Variants in KDM5A observed in about 807,000 individuals in gnomAD.
KDM5A encodes lysine-specific demethylase 5A.
In KDM5A, 42 loss-of-function variants were observed where a neutral mutation model predicts 193.5. The observed-to-expected ratio is 0.22, with a 90% confidence interval of 0.17 to 0.28. The LOEUF is 0.28. KDM5A is among the 10% of genes least tolerant of loss of function. KDM5A has a pLI of 1.00. For synonymous variants in KDM5A, 796 were observed against 718.1 expected, an observed-to-expected ratio of 1.11 and a Z score of -1.73; for missense variants, 1,692 against 2,055.1, an observed-to-expected ratio of 0.82 and a Z score of 3.42.
Position 388,921 on chromosome 12 carries a change from A to G in KDM5A, c.165+6T>C. 4 of 1,614,134 alleles carry G rather than the reference A, an allele frequency of 2.5e-6. No homozygotes were observed. The highest frequency in any genetic ancestry group is 3.4e-6 in the Non-Finnish European group (4 of 1,179,980). ...TCTCCCCCTCTCTCTTCACAGACTG[A>G]GGTACCTTGGGCGGCCGAATTTTGC... On this transcript the variant is annotated splice_donor_region_variant and intron_variant, in intron 1 of 27. Coordinates refer to ENST00000399788, the MANE Select transcript of KDM5A (RefSeq NM_001042603.3).
In KDM5A at chr12:307,670, T is replaced by C. The variant is rs376434228; in HGVS notation, c.3714A>G (p.Val1238=). The C allele has an allele frequency of 5.6e-5, 91 of 1,614,222 alleles. No homozygotes were observed. The African/African-American group carries it at 1.2e-3, about 21-fold the overall frequency. The change falls in exon 23 of 28, where the codon GTA becomes GTG. Residue 1238 remains valine (V), a synonymous_variant. Coordinates refer to ENST00000399788, the MANE Select transcript of KDM5A (RefSeq NM_001042603.3). This position sits in a 1 kb window ranked among gnomAD's most constrained non-coding sequence, Gnocchi z 4.3. ...SLLVSLQKLP[V]RLPEGEALQC... The stretch of plus-strand genomic sequence containing the variant: ...GCAGGGCCTCTCCTTCAGGCAACCG[T>C]ACGGGCAACTTCTGAAGGGATACCA...
intron 3 of KDM5A, among the ~76,000 whole-genome samples, chr12:381,282 C>T (rs1944569786): frequency 6.6e-6 from 1 of 152,078 alleles, no homozygotes; most frequent in Admixed American, 6.5e-5. Flanking sequence ...GCATGAGCCA[C>T]CGTGCCCGGC....
intron 18 of KDM5A, among the ~76,000 whole-genome samples, chr12:320,627 T>G (rs1943706013): frequency 6.6e-6 from 1 of 152,228 alleles, no homozygotes; most frequent in African/African-American, 2.4e-5. Flanking sequence ...TTTTAAGATT[T>G]TACATATTCA....
At chr12:286,782 C>G (rs937048870) in intron 27 of KDM5A, among the ~76,000 whole-genome samples, 1 of 152,118 alleles carries the variant, frequency 6.6e-6, no homozygotes, top group East Asian at 1.9e-4. Flanking sequence ...ACAGTAGTCA[C>G]GTCAGTAGTT....
At chr12:387,420 G>A (rs775125403) in intron 1 of KDM5A, 26 of 204,392 alleles carry the variant, frequency 1.3e-4, no homozygotes, top group Non-Finnish European at 2.4e-4. Flanking sequence ...AAATTCAAGA[G>A]TAGATAAAAA....
At position 318,434 on chromosome 12, in the gene KDM5A, G is replaced by C. The variant is rs1169430258; in HGVS notation, c.2569C>G (p.His857Asp). Residue 857 changes from histidine (H) to aspartate (D), a missense_variant, in exon 19 of 28, where the codon CAT becomes GAT. By Grantham distance (81) the His-to-Asp change is moderately conservative. Transcript: ENST00000399788. ...KNLLDDVEEF[H>D]ERAQEAMMDE... ...ATCATGGCCTCCTGAGCACGTTCAT[G>C]AAACTCTTCCACATCATCTAGCAGA... is the stretch of plus-strand genomic sequence containing the variant. The C allele has an allele frequency of 1.9e-6, 3 of 1,613,806 alleles. 1 individual carries two copies. In the South Asian group the frequency reaches 3.3e-5, roughly 18 times the overall value.
At chr12:327,343 A>G (rs2137417047) in intron 14 of KDM5A, among the ~76,000 whole-genome samples, 1 of 152,350 alleles carries the variant, frequency 6.6e-6, no homozygotes, top group East Asian at 1.9e-4. Flanking sequence ...TCAAAATTCA[A>G]AAGAAAGACT....
intron 24 of KDM5A, among the ~76,000 whole-genome samples, chr12:305,324 G>A (rs1013589285): frequency 6.6e-6 from 1 of 152,136 alleles, no homozygotes; most frequent in Non-Finnish European, 1.5e-5. Context: ...AGTTTCAACT[G>A]TTTTCAAGTC....
intron 3 of KDM5A, among the ~76,000 whole-genome samples, chr12:367,211 TTTCTC>T (rs1288314461): frequency 6.6e-6 from 1 of 152,142 alleles, no homozygotes; most frequent in African/African-American, 2.4e-5. Context: ...TCAAACTCAG[TTTCTC>T]CTATTTGATT....
chr12:377,680 T>A (rs1246783695), intron 3 of KDM5A, among the ~76,000 whole-genome samples: 1 of 152,130 alleles, frequency 6.6e-6, no homozygotes, highest in African/African-American at 2.4e-5. Context: ...AAAATGTATA[T>A]CCCATTAACC....
At chr12:318,935 G>C (rs1943682994) in intron 18 of KDM5A, among the ~76,000 whole-genome samples, 1 of 152,234 alleles carries the variant, frequency 6.6e-6, no homozygotes, top group Non-Finnish European at 1.5e-5. Context: ...AAGACAAACT[G>C]AAACTAAATT....
At chr12:290,768 T>A (rs902008549) in intron 27 of KDM5A, among the ~76,000 whole-genome samples, 13 of 151,238 alleles carry the variant, frequency 8.6e-5, no homozygotes, top group Non-Finnish European at 1.9e-4. Flanking sequence ...ACAACAGGAA[T>A]AATGGATGAA....
rs1943670866 is a variant in KDM5A, at chr12:318,125, T to C, written c.2878A>G (p.Lys960Glu). ...GTTCACCTTGCCTGTAGGCAGACCTTAGCCTTTTCTTCCCATCGTTCAGAG... is the reference window on the plus strand; with the variant it reads ...GTTCACCTTGCCTGTAGGCAGACCTCAGCCTTTTCTTCCCATCGTTCAGAG... ...TVSERWEEKA[K>E]VCLQARPRHS... is the part of the protein sequence containing the mutation. Residue 960 changes from lysine to glutamate, a missense_variant, in exon 19 of 28, where the codon AAG becomes GAG. Coordinates refer to ENST00000399788, the MANE Select transcript of KDM5A (RefSeq NM_001042603.3). The C allele has an allele frequency of 1.9e-6, 3 of 1,614,206 alleles. No individual in the cohort carries two copies. The highest frequency in any genetic ancestry group is 1.7e-5 in the Admixed American group (1 of 60,032).
At chr12:348,004 A>C (rs1160231002) in intron 10 of KDM5A, among the ~76,000 whole-genome samples, 1 of 152,226 alleles carries the variant, frequency 6.6e-6, no homozygotes, top group Non-Finnish European at 1.5e-5. Context: ...AAATTTTTGC[A>C]ATCTATCCAT....
chr12:387,056 C>T (rs1170172304), intron 1 of KDM5A, among the ~76,000 whole-genome samples: 2 of 151,956 alleles, frequency 1.3e-5, no homozygotes, highest in African/African-American at 4.8e-5. Context: ...TTGTTCAAAG[C>T]CCAGCTTCTG....
rs767251417 is a variant in KDM5A, at chr12:328,903, T to C, written c.1900A>G (p.Met634Val). The C allele has an allele frequency of 3.7e-6, 6 of 1,614,240 alleles. No homozygotes were observed. Among genetic ancestry groups the C allele is most frequent in the South Asian group, 3.3e-5 (3 of 91,090 alleles). ...PECLDVGLAA[M>V]VCKELTLMTE... ...ATGAGAGTCAATTCTTTGCAGACCA[T>C]GGCAGCCAGCCCCACATCTAAGCAT... The change falls in exon 14 of 28, where the codon ATG becomes GTG. Residue 634 changes from methionine (M) to valine (V), a missense_variant. Around this residue, in one of 11 missense-constraint regions of KDM5A, gnomAD observed 88 missense variants for 124.6 expected, o/e 0.71. Transcript: ENST00000399788.
chr12:357,700 C>T (rs1010208893), intron 5 of KDM5A, among the ~76,000 whole-genome samples: 4 of 151,332 alleles, frequency 2.6e-5, no homozygotes, highest in African/African-American at 9.7e-5. Context: ...TGGTGGCGCA[C>T]GCCTATAGTC....
chr12:365,868 G>A lies in KDM5A; in HGVS notation c.537+66C>T, dbSNP rs982864654. 5.2e-6 allele frequency: 8 copies of A among 1,533,240 alleles called. No homozygotes were observed. The African/African-American group carries it at 8.2e-5, about 16-fold the overall frequency. 95.0% of individuals were successfully genotyped at this position (1,533,240 alleles called of 1,614,324 possible). On this transcript the variant is annotated intron_variant, in intron 4 of 27. Coordinates refer to ENST00000399788, the MANE Select transcript of KDM5A (RefSeq NM_001042603.3). ...TGCCTGCTAACTTGGGTTAAACACA[G>A]TCTAAAGTTTGTACTTGGGCAAACT...
chr12:376,365 G>C (rs1328982064), intron 3 of KDM5A, among the ~76,000 whole-genome samples: 1 of 152,184 alleles, frequency 6.6e-6, no homozygotes, highest in Non-Finnish European at 1.5e-5. Flanking sequence ...CCGTGGGCGT[G>C]GGACCCTCCA....
Sources: gnomAD v4.1 joint callset for allele counts (sites outside exome capture counted in the v4.1 genomes callset) on GRCh38, gnomAD v4.1.1 for gene constraint, gnomAD v4.1.1 regional missense constraint, Gnocchi (gnomAD v3.1) non-coding constraint, MANE v1.5 for transcripts, NCBI Gene and HGNC (gene_info 2026-07-23, HGNC 2026-07-21) for gene names.